EYS: variants seen among roughly 807,000 people sequenced by gnomAD.
EYS encodes the protein protein eyes shut homolog.
Under a neutral mutation model 282.1 loss-of-function variants are expected in EYS, and 250 were observed. The ratio of observed to expected loss-of-function variants is 0.89; its 90% confidence interval spans 0.80 to 0.98. EYS has a LOEUF of 0.98. EYS is among the 50% of genes least tolerant of loss of function. The pLI is 0.00. For synonymous variants in EYS, 1,355 were observed against 1,282.9 expected (o/e 1.06, Z -1.20); for missense variants, 4,016 against 3,709.0 (o/e 1.08, Z -2.15).
intron 31 of EYS, among the ~76,000 whole-genome samples, chr6:64,153,391 G>GT (rs139034018): frequency 0.025 from 3,853 of 152,218 alleles, 64 homozygotes; most frequent in Non-Finnish European, 0.038. Context: ...AAGGAATATG[G>GT]AAGGCCCCTA....
chr6:64,170,334 T>C (rs1479202788), intron 31 of EYS, among the ~76,000 whole-genome samples: 1 of 152,138 alleles, frequency 6.6e-6, no homozygotes. Context: ...ATAAATGTAT[T>C]TGTTATGGCT....
intron 5 of EYS, among the ~76,000 whole-genome samples, chr6:65,449,976 T>C (rs751107262): frequency 2.6e-5 from 4 of 152,140 alleles, no homozygotes; most frequent in African/African-American, 4.8e-5. Flanking sequence ...CAAAAAATTC[T>C]GTGATCATAG....
intron 35 of EYS, among the ~76,000 whole-genome samples, chr6:63,956,411 C>T (rs1008675289): frequency 6.6e-6 from 1 of 152,098 alleles, no homozygotes; most frequent in Non-Finnish European, 1.5e-5. Flanking sequence ...ACCTCTATCT[C>T]CCTTCTCTGA....
chr6:65,122,044 A>T (rs1775568954), intron 12 of EYS, among the ~76,000 whole-genome samples: 2 of 152,264 alleles, frequency 1.3e-5, no homozygotes, highest in South Asian at 2.1e-4. Flanking sequence ...AAGAGAAAAT[A>T]GCCACCTATG....
intron 36 of EYS, among the ~76,000 whole-genome samples, chr6:63,859,634 G>A (rs1772484040): frequency 6.8e-6 from 1 of 147,454 alleles, no homozygotes; most frequent in Non-Finnish European, 1.5e-5. Context: ...AAATGCTACT[G>A]CCACCAGAAA....
intron 2 of EYS, among the ~76,000 whole-genome samples, chr6:65,540,252 C>A (rs778673103): frequency 6.6e-6 from 1 of 152,152 alleles, no homozygotes. Flanking sequence ...AACAAACTCT[C>A]TAACCTGCCC....
chr6:65,640,239 G>T (rs1212409585), intron 1 of EYS, among the ~76,000 whole-genome samples: 1 of 152,130 alleles, frequency 6.6e-6, no homozygotes, highest in African/African-American at 2.4e-5. Flanking sequence ...GAACCCAAAT[G>T]CCATACTGGA....
chr6:65,454,224 G>T (rs1344003698), intron 5 of EYS, among the ~76,000 whole-genome samples: 1 of 151,518 alleles, frequency 6.6e-6, no homozygotes, highest in African/African-American at 2.4e-5. Flanking sequence ...CTAGAGTAAA[G>T]TGGTATTTCA....
intron 1 of EYS, among the ~76,000 whole-genome samples, chr6:65,689,524 T>C (rs113274858): frequency 0.018 from 2,676 of 149,420 alleles, 151 homozygotes; most frequent in African/African-American, 0.062. Context: ...TAAAGTATAA[T>C]AAAAAAAATT....
intron 5 of EYS, among the ~76,000 whole-genome samples, chr6:65,409,120 C>T (rs936366411): frequency 6.6e-6 from 1 of 152,072 alleles, no homozygotes; most frequent in South Asian, 2.1e-4. Flanking sequence ...AATTTTCTTG[C>T]CATGCCTATT....
At chr6:65,673,621 A>G (rs1473457029) in intron 1 of EYS, among the ~76,000 whole-genome samples, 1 of 152,010 alleles carries the variant, frequency 6.6e-6, no homozygotes, top group East Asian at 1.9e-4. Context: ...TTAAAAGACC[A>G]TTAGTCCATT....
At chr6:64,549,425 T>A (rs1444538231) in intron 26 of EYS, among the ~76,000 whole-genome samples, 1 of 152,218 alleles carries the variant, frequency 6.6e-6, no homozygotes, top group African/African-American at 2.4e-5. Flanking sequence ...TCTATCACAA[T>A]TTTAATAATA....
At chr6:65,500,796 C>T (rs560045401) in intron 2 of EYS, among the ~76,000 whole-genome samples, 21 of 151,852 alleles carry the variant, frequency 1.4e-4, no homozygotes, top group Admixed American at 8.6e-4. Context: ...AGTAAATAAA[C>T]GGTCAGGAAT....
At chr6:63,893,168 C>T (rs564167982) in intron 35 of EYS, among the ~76,000 whole-genome samples, 10 of 152,104 alleles carry the variant, frequency 6.6e-5, no homozygotes, top group East Asian at 1.9e-4. Context: ...GACACTGTGG[C>T]GATTCCTCAA....
chr6:64,460,623 C>G (rs1775713857), intron 26 of EYS, among the ~76,000 whole-genome samples: 1 of 152,144 alleles, frequency 6.6e-6, no homozygotes, highest in Middle Eastern at 3.2e-3. Flanking sequence ...TAGTATCTTT[C>G]TAAAGTGTAT....
chr6:63,923,438 G>A (rs2149745205), intron 35 of EYS, among the ~76,000 whole-genome samples: 1 of 152,062 alleles, frequency 6.6e-6, no homozygotes, highest in South Asian at 2.1e-4. Flanking sequence ...TAAAATTATA[G>A]GTTATATTTC....
chr6:63,839,496 C>CTTTA (rs549791297), intron 36 of EYS, among the ~76,000 whole-genome samples: 43 of 152,124 alleles, frequency 2.8e-4, no homozygotes, highest in Non-Finnish European at 4.7e-4. Flanking sequence ...TATATTTTGG[C>CTTTA]TTTATTTATT....
chr6:65,425,928 A>T (rs943997711), intron 5 of EYS, among the ~76,000 whole-genome samples: 4 of 152,128 alleles, frequency 2.6e-5, no homozygotes, highest in South Asian at 2.1e-4. Context: ...GCATGTAACC[A>T]AACTGAAGAC....
At chr6:64,868,915 T>C (rs1766506086) in intron 19 of EYS, among the ~76,000 whole-genome samples, 1 of 151,512 alleles carries the variant, frequency 6.6e-6, no homozygotes, top group Admixed American at 6.6e-5. Context: ...CTTTCCCTTT[T>C]GATTTTCCCC....
Sources: gnomAD v4.1 joint callset for allele counts (sites outside exome capture counted in the v4.1 genomes callset) on GRCh38, gnomAD v4.1.1 for gene constraint, MANE v1.5 for transcripts, NCBI Gene and HGNC (gene_info 2026-07-23, HGNC 2026-07-21) for gene names.